Variants in FOXP3 observed in about 807,000 individuals in gnomAD.
The protein encoded by FOXP3 is forkhead box protein P3.
A neutral mutation model predicts 31.2 loss-of-function variants in FOXP3; 5 were observed. The observed-to-expected ratio is 0.16, with a 90% CI of 0.08 to 0.34. FOXP3 has a LOEUF of 0.34. Ranked by LOEUF, FOXP3 falls within the 10% of genes least tolerant of loss-of-function variation. The probability of loss-of-function intolerance (pLI) is 1.00; values close to 1 mark genes in which losing one functional copy is unlikely to be tolerated. For missense variants in FOXP3, 251 were observed against 363.0 expected, an observed-to-expected ratio of 0.69 and a Z score of 2.51; for synonymous variants, 141 against 148.8, an observed-to-expected ratio of 0.95 and a Z score of 0.38.
chrX:49,259,838 C>T (rs1215626740), intron 1 of FOXP3, among the ~76,000 whole-genome samples: 1 of 111,741 alleles, frequency 8.9e-6, no homozygotes, highest in Non-Finnish European at 1.9e-5. Flanking sequence ...TTTCCGTGTG[C>T]ACATTTTATA....
chrX:49,256,207 TGAGAGAGAGAGAAAGAGAGAGA>T (rs1557116273), intron 6 of FOXP3, among the ~76,000 whole-genome samples: 1 of 82,791 alleles, frequency 1.2e-5, no homozygotes, highest in African/African-American at 4.4e-5. Context: ...TGTGTGTGTG[TGAGAGAGAGAGAAAGAGAGAGA>T]GAGAGAGAGA....
chrX:49,253,085 C>T (rs1557115780), intron 10 of FOXP3, 41 bp downstream of exon 10: 3 of 1,159,265 alleles, frequency 2.6e-6, no homozygotes, highest in Non-Finnish European at 3.5e-6. Context: ...CCCACCCCAT[C>T]TTTGTCTTCC....
At chrX:49,251,822 G>T (rs1347234861) in intron 10 of FOXP3, 57 bp from the exon 11 acceptor site, 2 of 1,183,041 alleles carry the variant, frequency 1.7e-6, no homozygotes, top group African/African-American at 3.5e-5. Context: ...GTTTAGAGGG[G>T]CTATGACCTA....
In FOXP3 at chrX:49,258,305, C is replaced by T. The variant is rs1296610779; in HGVS notation, c.201G>A (p.Ser67=). The T allele has an allele frequency of 2.2e-5, 26 of 1,163,420 alleles. No homozygotes were observed. The highest frequency in any genetic ancestry group is 2.8e-5 in the Non-Finnish European group (24 of 870,169). Residue 67 remains serine, a synonymous_variant, in exon 2 of 12, where the codon TCG becomes TCA. Transcript: ENST00000376207. ...GGGCCCAGGGCCTCACCTGCAGCTG[C>T]GATGGTGGCATGGGGTTCAAGGAAG... The part of the protein sequence containing the change: ...SSSSLNPMPP[S]QLQLPTLPLV...
chrX:49,252,634 G>A (rs921441971), intron 10 of FOXP3, among the ~76,000 whole-genome samples: 9 of 109,511 alleles, frequency 8.2e-5, no homozygotes, highest in Non-Finnish European at 1.3e-4. Flanking sequence ...TGAAGTTAAG[G>A]ATCAAATGGG....
chrX:49,260,279 T>C (rs1260138801), intron 1 of FOXP3, among the ~76,000 whole-genome samples: 3 of 112,002 alleles, frequency 2.7e-5, no homozygotes. Context: ...TTCTCCCTTA[T>C]GGCCCCCAGA....
chrX:49,256,154 G>A (rs58119150), intron 6 of FOXP3, among the ~76,000 whole-genome samples: 7,592 of 108,330 alleles, frequency 0.07, 747 homozygotes, highest in African/African-American at 0.25. Context: ...GACATGTGGG[G>A]TTGCTGCTAA....
chrX:49,255,654 T>C (rs2066064665), intron 7 of FOXP3, 61 bp downstream of exon 7: 5 of 1,144,276 alleles, frequency 4.4e-6, no homozygotes, highest in Non-Finnish European at 5.9e-6. Context: ...TTCTGGCACA[T>C]GGTGGACAGA....
intron 8 of FOXP3, 95 bp downstream of exon 8, chrX:49,255,334 A>G (rs1490060706): frequency 9.2e-6 from 8 of 873,493 alleles, no homozygotes; most frequent in South Asian, 2.1e-5. Flanking sequence ...AGCTCTCAGG[A>G]CCTGAATGTG....
Position 49,253,200 on chromosome X carries a change from A to C in FOXP3, c.970T>G (p.Phe324Val), listed in dbSNP as rs122467173. The change falls in exon 10 of 12, where the codon TTC (phenylalanine) becomes GTC (valine). Residue 324 changes from phenylalanine to valine, a missense_variant and splice_region_variant. Phe to Val is a conservative substitution (Grantham distance 50). This residue lies in a region of FOXP3 where 57 missense variants were observed against 60.9 expected (regional missense o/e 0.94). Transcript: ENST00000376207. ...TTGAAGTAGTCCATGTTGTGGAGGA[A>C]CTCTGTCAGAGGGTGGGGATGAATC... ...GSHGNSTFPE[F>V]LHNMDYFKFH... is the part of the protein sequence containing the mutation. 1.7e-6 allele frequency: 2 copies of C among 1,206,045 alleles called. No homozygotes were observed. Among genetic ancestry groups the C allele is most frequent in the African/African-American group, 3.5e-5 (2 of 57,241 alleles).
rs72650694 is a variant in FOXP3 at position 49,253,095 on chromosome X, C to T, written c.1044+31G>A. 261 of 1,183,761 alleles carry T rather than the reference C, an allele frequency of 2.2e-4. 1 individual carries two copies. The highest frequency in any genetic ancestry group is 2.6e-4 in the Non-Finnish European group (230 of 875,817). ...GGTCCCCCACCCCATCTTTGTCTTC[C>T]TCCTCCTTGGGGCCGAGCTGCCCTG... On this transcript the variant is annotated intron_variant, in intron 10 of 11. Coordinates refer to ENST00000376207, the MANE Select transcript of FOXP3 (RefSeq NM_014009.4).
chrX:49,258,644 C>T (rs1395008770), intron 1 of FOXP3, 117 bp from the exon 2 acceptor site: 1 of 541,226 alleles, frequency 1.8e-6, no homozygotes, highest in South Asian at 3.6e-5. Context: ...GGGACATGTC[C>T]CGAGGGGCCC....
chrX:49,251,520 A>G (rs1163625078), intron 11 of FOXP3, 37 bp from the exon 12 acceptor site: 14 of 1,209,583 alleles, frequency 1.2e-5, no homozygotes, highest in Non-Finnish European at 1.6e-5. Flanking sequence ...GGTGGGCGTC[A>G]ACCTCTGAGG....
rs781861708 is a variant in FOXP3 at position 49,258,332 on chromosome X, AGAG to A, written c.171_173del (p.Ser60del). On this transcript the variant is annotated inframe_deletion, in exon 2 of 12. Coordinates refer to ENST00000376207, the MANE Select transcript of FOXP3 (RefSeq NM_014009.4). Reference sequence around the variant, plus strand: ...ATGGTGGCATGGGGTTCAAGGAAGAAGAGGAGGCATGGGCCCCGCCTCGAAGAT... The same window carrying A: ...ATGGTGGCATGGGGTTCAAGGAAGAAGAGGCATGGGCCCCGCCTCGAAGAT... 8.0e-5 allele frequency: 93 copies of A among 1,165,534 alleles called. No individual in the cohort carries two copies. The African/African-American group carries it at 1.4e-3, about 18-fold the overall frequency.
At position 49,264,650 on chromosome X, in the gene FOXP3, G is replaced by A. The variant is rs1557117593; in HGVS notation, c.-23+11C>T. On this transcript the variant is annotated intron_variant, in intron 1 of 11. Transcript: ENST00000376207. ...GGCCCACATCTGGTAGGGGAGAGCA[G>A]GGACACTCACCTTGGTGAAGTGGAC... 2 of 750,980 alleles carry A rather than the reference G, an allele frequency of 2.7e-6. No individual in the cohort carries two copies. The highest frequency in any genetic ancestry group is 1.8e-4 in the Admixed American group (2 of 11,357). The allele number at this position is 750,980 out of a possible 1,213,427, so 61.9% of individuals were successfully genotyped here.
At chrX:49,255,868 G>A (rs1336162621) in intron 6 of FOXP3, 66 bp from the exon 7 acceptor site, 2 of 993,982 alleles carry the variant, frequency 2.0e-6, no homozygotes, top group East Asian at 3.2e-5. Context: ...TGCTCTGAAT[G>A]GGGAGGGCCC....
intron 1 of FOXP3, among the ~76,000 whole-genome samples, chrX:49,260,718 T>A (rs138545811): frequency 8.9e-6 from 1 of 112,726 alleles, no homozygotes; most frequent in Admixed American, 9.3e-5. Flanking sequence ...GGGACACAGA[T>A]TATGTTTTCA....
rs373302430 is a variant in FOXP3 at position 49,251,409 on chromosome X, G to A, written c.1221C>T (p.Thr407=). The change falls in exon 12 of 12, where the codon ACC becomes ACT. Residue 407 remains threonine (T), a synonymous_variant. Transcript: ENST00000376207. ...RVESEKGAVW[T]VDELEFRKKR... ...TCTTGCGGAACTCCAGCTCATCCAC[G>A]GTCCACACAGCCCCCTTCTCGCTCT... is the stretch of plus-strand genomic sequence containing the variant. 4.7e-5 allele frequency: 57 copies of A among 1,210,195 alleles called. 1 individual carries two copies. The highest frequency in any genetic ancestry group is 6.1e-5 in the Non-Finnish European group (55 of 895,201).
chrX:49,263,640 A>T (rs1253707681), intron 1 of FOXP3, among the ~76,000 whole-genome samples: 4 of 112,359 alleles, frequency 3.6e-5, no homozygotes, highest in Non-Finnish European at 7.5e-5. Flanking sequence ...AATATATAGC[A>T]TGATTCTAAT....
Sources: allele counts gnomAD v4.1 joint callset (sites outside exome capture counted in the v4.1 genomes callset), GRCh38; gene constraint gnomAD v4.1.1; regional missense constraint gnomAD v4.1.1; transcripts MANE v1.5; gene names NCBI Gene and HGNC (gene_info 2026-07-23, HGNC 2026-07-21).